Variants in GALNT13 observed in about 807,000 individuals in gnomAD.
The protein encoded by GALNT13 is polypeptide N-acetylgalactosaminyltransferase 13.
Under a neutral mutation model 64.2 loss-of-function variants are expected in GALNT13, and 28 were observed. That is an observed-to-expected ratio of 0.44 (90% CI 0.32 to 0.60). The LOEUF (loss-of-function observed/expected upper bound fraction) is 0.60, where lower values mean the gene tolerates loss of function less well. Among genes scored for constraint, GALNT13 ranks in the 20% least tolerant of loss-of-function variants. The pLI is 0.05. For synonymous variants in GALNT13, 214 were observed against 224.6 expected, an observed-to-expected ratio of 0.95 and a Z score of 0.42; for missense variants, 577 against 669.8, an observed-to-expected ratio of 0.86 and a Z score of 1.53.
chr2:153,754,795 T>A, the GALNT13 span, among the ~76,000 whole-genome samples: 3 of 152,090 alleles, frequency 2.0e-5, no homozygotes, highest in Admixed American at 6.6e-5. Context: ...GCCTTTCAAG[T>A]TTATCAGAGC....
intron 1 of GALNT13, among the ~76,000 whole-genome samples, chr2:153,886,364 C>T (rs1687180778): frequency 6.6e-6 from 1 of 150,910 alleles, no homozygotes; most frequent in African/African-American, 2.4e-5. Flanking sequence ...CCTCCCCACT[C>T]CCCCCACCCC....
chr2:153,796,266 A>G, the GALNT13 span, among the ~76,000 whole-genome samples: 4 of 152,240 alleles, frequency 2.6e-5, no homozygotes. Context: ...TGTGGTGTCA[A>G]TTATCGCAAG....
chr2:153,353,844 A>G, the GALNT13 span, among the ~76,000 whole-genome samples: 12 of 152,026 alleles, frequency 7.9e-5, no homozygotes, highest in African/African-American at 2.7e-4. Context: ...TTTGGATTTG[A>G]TTTGTTAGTC....
intron 8 of GALNT13, among the ~76,000 whole-genome samples, chr2:154,298,749 T>TA (rs1420783741): frequency 1.3e-5 from 1 of 79,138 alleles, no homozygotes; most frequent in South Asian, 4.3e-4. Flanking sequence ...TATATATAAA[T>TA]ATATATACTA....
intron 3 of GALNT13, among the ~76,000 whole-genome samples, chr2:153,945,973 T>G (rs1691709994): frequency 6.6e-6 from 1 of 152,158 alleles, no homozygotes; most frequent in Non-Finnish European, 1.5e-5. Context: ...CATGCATTTT[T>G]TATGCCTTTA....
At chr2:153,630,807 A>AT in the GALNT13 span, among the ~76,000 whole-genome samples, 78 of 21,986 alleles carry the variant, frequency 3.5e-3, no homozygotes, top group African/African-American at 4.4e-3. Context: ...ATATATATAT[A>AT]TTTTTTTTTT....
chr2:153,972,158 C>T (rs1197134658), intron 3 of GALNT13, among the ~76,000 whole-genome samples: 1 of 150,216 alleles, frequency 6.7e-6, no homozygotes, highest in Non-Finnish European at 1.5e-5. Context: ...CACTTCTAGC[C>T]TCCAGAACTG....
In GALNT13 at chr2:154,241,967, T is replaced by C. The variant is rs533024122; in HGVS notation, c.312-63T>C. 7.6e-5 allele frequency: 80 copies of C among 1,053,476 alleles called. 2 individuals are homozygous for C. The South Asian group carries it at 1.4e-3, about 19-fold the overall frequency. 65.3% of individuals were successfully genotyped at this position (1,053,476 alleles called of 1,614,324 possible). On this transcript the variant is annotated intron_variant, in intron 4 of 12. Transcript: ENST00000392825. Reference sequence around the variant, plus strand: ...GAAGTTGTGTTATTATGGATATTTCTTTTTAAAATAATCAGGATAAAAAAT... The same window carrying C: ...GAAGTTGTGTTATTATGGATATTTCCTTTTAAAATAATCAGGATAAAAAAT...
chr2:153,157,726 A>T, the GALNT13 span, among the ~76,000 whole-genome samples: 1 of 152,334 alleles, frequency 6.6e-6, no homozygotes, highest in African/African-American at 2.4e-5. Flanking sequence ...GAAAGGGCTC[A>T]TTCACTATAG....
intron 10 of GALNT13, among the ~76,000 whole-genome samples, chr2:154,407,620 G>GT (rs1699608426): frequency 6.6e-6 from 1 of 151,912 alleles, no homozygotes; most frequent in Non-Finnish European, 1.5e-5. Flanking sequence ...TTTGCTTCTA[G>GT]AAGCCCGTGC....
At chr2:153,938,054 A>G (rs1039364150) in intron 2 of GALNT13, among the ~76,000 whole-genome samples, 1 of 152,214 alleles carries the variant, frequency 6.6e-6, no homozygotes, top group Non-Finnish European at 1.5e-5. Flanking sequence ...TACTTTATTC[A>G]AAGATTATTA....
rs114077712 is a variant in GALNT13, at chr2:154,357,563, T to C, written c.1157-38428T>C. 4.9e-3 allele frequency among the ~76,000 whole-genome samples: 742 copies of C among 152,164 alleles called. 4 individuals are homozygous for C. The highest frequency in any genetic ancestry group is 0.017 in the African/African-American group (701 of 41,532). On this transcript the variant is annotated intron_variant, in intron 9 of 12. Transcript: ENST00000392825. The stretch of plus-strand genomic sequence containing the variant: ...GGTAGTAATCATGAGCCATTGTGCA[T>C]AGTGGATGACAACGGCGAAAATACC...
chr2:153,425,063 A>G, the GALNT13 span, among the ~76,000 whole-genome samples: 1 of 151,934 alleles, frequency 6.6e-6, no homozygotes, highest in South Asian at 2.1e-4. Context: ...CATGAAAATA[A>G]TATTATATAT....
chr2:153,924,962 G>C (rs1210070286), intron 2 of GALNT13, among the ~76,000 whole-genome samples: 1 of 152,132 alleles, frequency 6.6e-6, no homozygotes, highest in Non-Finnish European at 1.5e-5. Context: ...TTAGGCCTTT[G>C]TCAGATGGAT....
At chr2:154,198,967 A>G (rs1395901639) in intron 4 of GALNT13, among the ~76,000 whole-genome samples, 1 of 152,034 alleles carries the variant, frequency 6.6e-6, no homozygotes, top group African/African-American at 2.4e-5. Flanking sequence ...GCAGAATTTC[A>G]GTGGTTAATG....
At chr2:153,889,895 T>A (rs1156981250) in intron 1 of GALNT13, among the ~76,000 whole-genome samples, 1 of 151,888 alleles carries the variant, frequency 6.6e-6, no homozygotes, top group Non-Finnish European at 1.5e-5. Flanking sequence ...TGGCATGCAA[T>A]TATTGAATGC....
chr2:154,095,235 A>G (rs1229574988), intron 3 of GALNT13, among the ~76,000 whole-genome samples: 1 of 151,860 alleles, frequency 6.6e-6, no homozygotes, highest in East Asian at 1.9e-4. Context: ...GTGTTAGTTC[A>G]TTGTCCAGAT....
chr2:153,532,952 A>G, the GALNT13 span, among the ~76,000 whole-genome samples: 1 of 152,206 alleles, frequency 6.6e-6, no homozygotes, highest in Non-Finnish European at 1.5e-5. Context: ...GAGGGGATGG[A>G]TATTCTATTC....
At chr2:154,292,502 A>G (rs375900925) in intron 8 of GALNT13, among the ~76,000 whole-genome samples, 9 of 152,276 alleles carry the variant, frequency 5.9e-5, no homozygotes, top group African/African-American at 2.2e-4. Flanking sequence ...CCTCATAACA[A>G]TATTATTTTA....
Sources: allele counts gnomAD v4.1 joint callset (sites outside exome capture counted in the v4.1 genomes callset), GRCh38; gene constraint gnomAD v4.1.1; transcripts MANE v1.5; gene names NCBI Gene and HGNC (gene_info 2026-07-23, HGNC 2026-07-21).